The following GYS2 variants were observed in gnomAD, a reference collection of about 807,000 sequenced individuals.
GYS2 encodes the protein glycogen [starch] synthase, liver.
In GYS2, 80 loss-of-function variants were observed where a neutral mutation model predicts 85.6. That is an observed-to-expected ratio of 0.93 (90% CI 0.78 to 1.13). The LOEUF (loss-of-function observed/expected upper bound fraction) is 1.13, where lower values mean the gene tolerates loss of function less well. Ranked by LOEUF, GYS2 falls within the 50% of genes most tolerant of loss-of-function variation. GYS2 has a pLI of 0.00. For synonymous variants in GYS2, 328 were observed against 300.7 expected (o/e 1.09, Z -0.94); for missense variants, 881 against 854.9 (o/e 1.03, Z -0.38).
intron 12 of GYS2, among the ~76,000 whole-genome samples, chr12:21,545,819 A>G (rs1333792664): frequency 6.6e-6 from 1 of 152,244 alleles, no homozygotes; most frequent in African/African-American, 2.4e-5. Context: ...TTGAGGCACA[A>G]GAATGTGAAG....
At chr12:21,539,390 A>G (rs1211198976) in intron 14 of GYS2, 52 bp from the exon 15 acceptor site, 9 of 955,762 alleles carry the variant, frequency 9.4e-6, no homozygotes, top group African/African-American at 6.4e-5. Flanking sequence ...AGATATCTCA[A>G]TAATCAAGTT....
rs540861527 is a variant in GYS2, at chr12:21,559,455, G to A, written c.1229+196C>T. The stretch of plus-strand genomic sequence containing the variant: ...AATTAGAACTTGCCTGCATATAAAT[G>A]TATTCTTATTTGTACAGCTATTTAC... On this transcript the variant is annotated intron_variant, in intron 9 of 15. Transcript: ENST00000261195. Among the ~76,000 whole-genome samples the A allele has an allele frequency of 1.4e-4, 21 of 152,148 alleles. 1 individual carries two copies. In the South Asian group the frequency reaches 3.9e-3, roughly 29 times the overall value.
At chr12:21,579,374 A>G (rs1210901939) in intron 2 of GYS2, among the ~76,000 whole-genome samples, 4 of 101,184 alleles carry the variant, frequency 4.0e-5, no homozygotes, top group Admixed American at 3.9e-4. Flanking sequence ...TTTTTTTGAG[A>G]TGAAGTTTCA....
At position 21,539,336 on chromosome 12, in the gene GYS2, A is replaced by C. The variant is rs1943945725; in HGVS notation, c.1812T>G (p.Tyr604Ter). The change falls in exon 15 of 16, where the codon TAT (tyrosine) becomes TAG (stop). Residue 604 changes from tyrosine to a stop codon, truncating the protein, a stop_gained and splice_region_variant. Coordinates refer to ENST00000261195, the MANE Select transcript of GYS2 (RefSeq NM_021957.4). LOFTEE classifies it high-confidence loss of function. ...DLLDWRYLGR[Y>*]YQHARHLTLS... ...ATGTCAGGTGTCTGGCATGCTGGTA[A>C]TACTATTGATAGAAAGCCAAATCAC... is the stretch of plus-strand genomic sequence containing the variant. 2 of 1,586,012 alleles carry C rather than the reference A, an allele frequency of 1.3e-6. No homozygotes were observed. Among genetic ancestry groups the C allele is most frequent in the Non-Finnish European group, 1.7e-6 (2 of 1,154,724 alleles).
At chr12:21,563,709 A>G (rs1036066317) in intron 5 of GYS2, among the ~76,000 whole-genome samples, 1 of 152,232 alleles carries the variant, frequency 6.6e-6, no homozygotes. Flanking sequence ...AATCTCTTCA[A>G]CAAACCAAGG....
At chr12:21,567,801 G>A (rs1458767758) in intron 5 of GYS2, among the ~76,000 whole-genome samples, 3 of 152,214 alleles carry the variant, frequency 2.0e-5, no homozygotes, top group East Asian at 1.9e-4. Flanking sequence ...CTGGCTGGCC[G>A]CGGTAGCTCA....
intron 11 of GYS2, among the ~76,000 whole-genome samples, chr12:21,551,695 A>T (rs1425872347): frequency 6.6e-6 from 1 of 152,208 alleles, no homozygotes; most frequent in African/African-American, 2.4e-5. Flanking sequence ...AAATTAAAAA[A>T]TGGCAAAGTA....
At chr12:21,566,430 A>G (rs1206990270) in intron 5 of GYS2, among the ~76,000 whole-genome samples, 2 of 151,968 alleles carry the variant, frequency 1.3e-5, no homozygotes, top group Non-Finnish European at 2.9e-5. Flanking sequence ...TTCTTGAGCC[A>G]CAAAATGTTC....
At chr12:21,569,675 G>A (rs1308314338) in intron 4 of GYS2, among the ~76,000 whole-genome samples, 1 of 152,202 alleles carries the variant, frequency 6.6e-6, no homozygotes, top group Non-Finnish European at 1.5e-5. Context: ...GTTACTGAAT[G>A]TAGTGTCTCA....
chr12:21,568,236 A>C (rs116767027), intron 5 of GYS2, among the ~76,000 whole-genome samples: 23 of 152,284 alleles, frequency 1.5e-4, no homozygotes, highest in African/African-American at 5.3e-4. Context: ...AGTTATTGGT[A>C]GTGTTTCATT....
At chr12:21,581,635 G>T (rs1201108884) in intron 1 of GYS2, among the ~76,000 whole-genome samples, 2 of 152,072 alleles carry the variant, frequency 1.3e-5, no homozygotes, top group East Asian at 3.9e-4. Context: ...CTCTAATATT[G>T]CTGCTACCTC....
rs1425132417 is a variant in GYS2 at position 21,604,809 on chromosome 12, G to A, written c.-217C>T. On this transcript the variant is annotated 5_prime_UTR_variant, in exon 1 of 16. Transcript: ENST00000261195. Reference sequence around the variant, plus strand: ...TTCCTCCTCTTTCTCGTCTTTCTGGGCAGGTATTGTGAGGACGGTATCTGC... The same window carrying A: ...TTCCTCCTCTTTCTCGTCTTTCTGGACAGGTATTGTGAGGACGGTATCTGC... The A allele has an allele frequency of 3.8e-6, 5 of 1,329,350 alleles. No individual in the cohort carries two copies. The highest frequency in any genetic ancestry group is 4.9e-6 in the Non-Finnish European group (5 of 1,030,744). The allele number at this position is 1,329,350 out of a possible 1,614,324, so 82.3% of individuals were successfully genotyped here.
intron 2 of GYS2, among the ~76,000 whole-genome samples, chr12:21,578,845 C>T (rs895522462): frequency 6.6e-6 from 1 of 152,126 alleles, no homozygotes; most frequent in African/African-American, 2.4e-5. Context: ...TCCCTGTCTG[C>T]TAGGTATTTC....
At chr12:21,560,361 G>GA in intron 8 of GYS2, 25 bp downstream of exon 8, 1 of 1,169,228 alleles carries the variant, frequency 8.6e-7, no homozygotes, top group Non-Finnish European at 1.3e-6. Flanking sequence ...TATTGCTAGA[G>GA]AACATTCACA....
chr12:21,601,994 A>G lies in GYS2; in HGVS notation c.121+2478T>C, dbSNP rs1288378941. Among the ~76,000 whole-genome samples the G allele has an allele frequency of 3.9e-5, 6 of 152,246 alleles. No individual in the cohort carries two copies. In the South Asian group the frequency reaches 1.0e-3, roughly 26 times the overall value. On this transcript the variant is annotated intron_variant, in intron 1 of 15. Coordinates refer to ENST00000261195, the MANE Select transcript of GYS2 (RefSeq NM_021957.4). ...TATGTTTTTCACGTTTCCATTGTTCATGGGCAAAATTCTGGCAGCAAGGGA... is the reference window on the plus strand; with the variant it reads ...TATGTTTTTCACGTTTCCATTGTTCGTGGGCAAAATTCTGGCAGCAAGGGA...
intron 1 of GYS2, among the ~76,000 whole-genome samples, chr12:21,587,952 G>A (rs1944592391): frequency 6.6e-6 from 1 of 152,144 alleles, no homozygotes; most frequent in African/African-American, 2.4e-5. Context: ...GACATAGGGA[G>A]GGGTAAGGGG....
In GYS2 at chr12:21,604,585, C is replaced by T. The variant is rs750090305; in HGVS notation, c.8G>A (p.Arg3Gln). 1.7e-5 allele frequency: 28 copies of T among 1,612,522 alleles called. No individual in the cohort carries two copies. The highest frequency in any genetic ancestry group is 3.3e-5 in the Admixed American group (2 of 59,898). MLRGRSLSVTSLG... is the reference protein window; with the variant it reads MLQGRSLSVTSLG... ...GGATGTTACAGAGAGGGATCGGCCT[C>T]GAAGCATTCTTCTTACAGTCCTCCG... The change falls in exon 1 of 16, where the codon CGA (arginine) becomes CAA (glutamine). Residue 3 changes from arginine (R) to glutamine (Q), a missense_variant. By Grantham distance (43) the Arg-to-Gln change is conservative. Coordinates refer to ENST00000261195, the MANE Select transcript of GYS2 (RefSeq NM_021957.4).
At chr12:21,559,208 C>T (rs1434177742) in intron 9 of GYS2, 39 bp from the exon 10 acceptor site, 1 of 1,129,266 alleles carries the variant, frequency 8.9e-7, no homozygotes, top group South Asian at 1.3e-5. Flanking sequence ...ATAAAAACAG[C>T]TGGCACTAAT....
chr12:21,604,414 T>C, intron 1 of GYS2, 58 bp downstream of exon 1: 1 of 1,017,274 alleles, frequency 9.8e-7, no homozygotes, highest in Non-Finnish European at 1.6e-6. Flanking sequence ...AATCTTACTC[T>C]ACATTCCTCA....
Sources: gnomAD v4.1 joint callset for allele counts (sites outside exome capture counted in the v4.1 genomes callset) on GRCh38, gnomAD v4.1.1 for gene constraint, MANE v1.5 for transcripts, NCBI Gene and HGNC (gene_info 2026-07-23, HGNC 2026-07-21) for gene names.